PCDHA3: variants seen among roughly 807,000 people sequenced by gnomAD.
PCDHA3 encodes protocadherin alpha 3, also known as protocadherin alpha-3.
PCDHA3 carries 41 observed loss-of-function variants against 62.2 expected under a neutral mutation model. That is an observed-to-expected ratio of 0.66 (90% CI 0.51 to 0.86). The LOEUF is 0.86. Ranked by LOEUF, PCDHA3 falls within the 40% of genes least tolerant of loss-of-function variation. PCDHA3 has a pLI of 0.00. For synonymous variants in PCDHA3, 640 were observed against 555.4 expected, an observed-to-expected ratio of 1.15 and a Z score of -2.14; for missense variants, 1,304 against 1,241.2, an observed-to-expected ratio of 1.05 and a Z score of -0.76.
chr5:140,871,185 T>C (rs782235765), intron 1 of PCDHA3: 1 of 1,613,600 alleles, frequency 6.2e-7, no homozygotes, highest in Admixed American at 1.7e-5. Flanking sequence ...CGCTGGTGGA[T>C]GTCAACGTGT....
intron 1 of PCDHA3, chr5:140,821,740 A>G: frequency 6.4e-7 from 1 of 1,551,082 alleles, no homozygotes. Context: ...TTGTGTGGTG[A>G]TGCAATAGAA....
chr5:140,983,897 G>A (rs155365), intron 3 of PCDHA3, among the ~76,000 whole-genome samples: 149,305 of 152,360 alleles, frequency 0.98, 73,183 homozygotes, highest in Middle Eastern at 1. Flanking sequence ...AAGGGCATTC[G>A]TTGATTCTAA....
At chr5:140,957,781 TTCA>T (rs2095383587) in intron 1 of PCDHA3, among the ~76,000 whole-genome samples, 1 of 152,072 alleles carries the variant, frequency 6.6e-6, no homozygotes, top group African/African-American at 2.4e-5. Context: ...AAAAACTAAG[TTCA>T]TCATATATGT....
At chr5:140,836,565 T>G (rs2150264210) in intron 1 of PCDHA3, 7 of 1,613,616 alleles carry the variant, frequency 4.3e-6, no homozygotes, top group African/African-American at 1.3e-5. Flanking sequence ...AGCGCCGTCC[T>G]CTGAGGGCGC....
chr5:140,849,038 C>A, intron 1 of PCDHA3: 2 of 1,575,008 alleles, frequency 1.3e-6, no homozygotes, highest in Non-Finnish European at 1.7e-6. Context: ...TCTTCCTGGA[C>A]GTGCCAACCA....
intron 1 of PCDHA3, among the ~76,000 whole-genome samples, chr5:140,844,460 A>T (rs1188717335): frequency 6.7e-6 from 1 of 148,896 alleles, no homozygotes; most frequent in Non-Finnish European, 1.5e-5. Context: ...TCGCCAACTT[A>T]ACATTTTTTG....
At chr5:140,953,950 A>G (rs1458991224) in intron 1 of PCDHA3, among the ~76,000 whole-genome samples, 1 of 151,936 alleles carries the variant, frequency 6.6e-6, no homozygotes, top group Non-Finnish European at 1.5e-5. Flanking sequence ...TTGCTCCCCC[A>G]ACAGGCCCCA....
At position 140,924,416 on chromosome 5, in the gene PCDHA3, T is replaced by A. The variant is rs1283567998; in HGVS notation, c.2395-54533T>A. 1.3e-5 allele frequency among the ~76,000 whole-genome samples: 2 copies of A among 152,192 alleles called. 1 individual carries two copies. The highest frequency in any genetic ancestry group is 4.1e-4 in the South Asian group (2 of 4,830). ...TATTGCCTTATATCACAGTGTGCCC[T>A]TTCTAGTTCCCTAGAAGAGATAACG... is the stretch of plus-strand genomic sequence containing the variant. On this transcript the variant is annotated intron_variant, in intron 1 of 3. Coordinates refer to ENST00000522353, the MANE Select transcript of PCDHA3 (RefSeq NM_018906.3).
intron 1 of PCDHA3, among the ~76,000 whole-genome samples, chr5:140,897,779 G>T (rs1157810079): frequency 6.6e-6 from 1 of 152,138 alleles, no homozygotes; most frequent in Non-Finnish European, 1.5e-5. Flanking sequence ...CTTCCACAAT[G>T]GTTGAACTAG....
At chr5:140,904,280 G>A in intron 1 of PCDHA3, among the ~76,000 whole-genome samples, 1 of 151,848 alleles carries the variant, frequency 6.6e-6, no homozygotes, top group Non-Finnish European at 1.5e-5. Flanking sequence ...GAGAACATGT[G>A]GTGTTTGGTT....
At chr5:140,977,448 CTCCTT>C (rs1554238572) in intron 1 of PCDHA3, among the ~76,000 whole-genome samples, 2 of 152,212 alleles carry the variant, frequency 1.3e-5, no homozygotes, top group Non-Finnish European at 2.9e-5. Context: ...ATAATGGAAA[CTCCTT>C]TGATTTGGTC....
chr5:140,801,855 C>G lies in PCDHA3; in HGVS notation c.658C>G (p.Pro220Ala), dbSNP rs782570230. ...AATAACAGCAATTGATGGTGGGAAACCAGAGCTCACTGGCACGACTCAACT... is the reference window on the plus strand; with the variant it reads ...AATAACAGCAATTGATGGTGGGAAAGCAGAGCTCACTGGCACGACTCAACT... ...LLITAIDGGK[P>A]ELTGTTQLKI... The change falls in exon 1 of 4, where the codon CCA (proline) becomes GCA (alanine). Residue 220 changes from proline to alanine, a missense_variant. Coordinates refer to ENST00000522353, the MANE Select transcript of PCDHA3 (RefSeq NM_018906.3). 1 of 1,614,054 alleles carries G rather than the reference C, an allele frequency of 6.2e-7. No homozygotes were observed. The highest frequency in any genetic ancestry group is 8.5e-7 in the Non-Finnish European group (1 of 1,180,040).
chr5:140,877,240 G>T, intron 1 of PCDHA3: 1 of 1,613,736 alleles, frequency 6.2e-7, no homozygotes, highest in Non-Finnish European at 8.5e-7. Flanking sequence ...TGCGGGCCAC[G>T]TGGTGGCGAA....
chr5:140,961,920 G>A (rs2095643236), intron 1 of PCDHA3, among the ~76,000 whole-genome samples: 1 of 147,904 alleles, frequency 6.8e-6, no homozygotes, highest in South Asian at 2.1e-4. Context: ...GTCTCGCTCT[G>A]TTGCCCAGGC....
At chr5:140,969,556 C>A in intron 1 of PCDHA3, 1 of 1,210,690 alleles carries the variant, frequency 8.3e-7, no homozygotes, top group Non-Finnish European at 1.1e-6. Flanking sequence ...AAGCCTTGTC[C>A]ATAAAATTGT....
At chr5:140,959,549 A>G (rs1240469168) in intron 1 of PCDHA3, among the ~76,000 whole-genome samples, 1 of 152,248 alleles carries the variant, frequency 6.6e-6, no homozygotes, top group East Asian at 1.9e-4. Flanking sequence ...TGCTGTATAA[A>G]TAGAATCAGT....
At chr5:140,908,726 G>A (rs1304356386) in intron 1 of PCDHA3, among the ~76,000 whole-genome samples, 3 of 152,188 alleles carry the variant, frequency 2.0e-5, no homozygotes, top group African/African-American at 4.8e-5. Flanking sequence ...TGGGTCATAT[G>A]GCTCGAGAAA....
intron 1 of PCDHA3, among the ~76,000 whole-genome samples, chr5:140,826,351 C>T (rs1284883588): frequency 6.6e-6 from 1 of 151,972 alleles, no homozygotes; most frequent in Non-Finnish European, 1.5e-5. Flanking sequence ...CCTTTGTTTG[C>T]CCAAAATAAC....
Position 141,011,060 on chromosome 5 carries a change from A to G in PCDHA3, c.*1123A>G, listed in dbSNP as rs1588257572. On this transcript the variant is annotated 3_prime_UTR_variant, in exon 4 of 4. Coordinates refer to ENST00000522353, the MANE Select transcript of PCDHA3 (RefSeq NM_018906.3). ...AGGTCACTCTGGGGCTGCCTCTTGC[A>G]TGTATTACTAAATAAAATGATCTCT... is the stretch of plus-strand genomic sequence containing the variant. 1.3e-5 allele frequency: 2 copies of G among 153,758 alleles called. No individual in the cohort carries two copies. Among genetic ancestry groups the G allele is most frequent in the Non-Finnish European group, 2.9e-5 (2 of 68,046 alleles). The allele number at this position is 153,758 out of a possible 1,614,324, so 9.5% of individuals were successfully genotyped here. A position where few individuals can be genotyped will look rare whatever the true frequency, so the allele number is the denominator to read the frequency against.
Sources: gnomAD v4.1 joint callset for allele counts (sites outside exome capture counted in the v4.1 genomes callset) on GRCh38, gnomAD v4.1.1 for gene constraint, MANE v1.5 for transcripts, NCBI Gene and HGNC (gene_info 2026-07-23, HGNC 2026-07-21) for gene names.